The following SETD2 variants were observed in gnomAD, a reference collection of about 807,000 sequenced individuals.
SETD2 encodes histone-lysine N-methyltransferase SETD2.
A neutral mutation model predicts 242.1 loss-of-function variants in SETD2; 31 were observed. The ratio of observed to expected loss-of-function variants is 0.13; its 90% CI spans 0.10 to 0.17. The LOEUF (loss-of-function observed/expected upper bound fraction) is 0.17, where lower values mean the gene tolerates loss of function less well. Among genes scored for constraint, SETD2 ranks in the 10% least tolerant of loss-of-function variants. The pLI, the probability that SETD2 is intolerant of heterozygous loss-of-function variation, is 1.00. For synonymous variants in SETD2, 1,006 were observed against 1,066.5 expected (o/e 0.94, Z 1.11); for missense variants, 2,481 against 3,046.3 (o/e 0.81, Z 4.37).
chr3:47,118,766 A>T (rs1264139804), intron 3 of SETD2, among the ~76,000 whole-genome samples: 2 of 151,728 alleles, frequency 1.3e-5, no homozygotes, highest in Admixed American at 6.6e-5. Flanking sequence ...GCACAGTTTT[A>T]TATATATATA....
intron 17 of SETD2, among the ~76,000 whole-genome samples, chr3:47,040,622 C>T (rs1280422896): frequency 4.1e-5 from 6 of 145,300 alleles, no homozygotes; most frequent in East Asian, 2.0e-4. Context: ...TCACCCAGGC[C>T]GGAATGCAGT....
intron 17 of SETD2, among the ~76,000 whole-genome samples, chr3:47,040,701 C>A (rs1383405673): frequency 6.6e-6 from 1 of 150,728 alleles, no homozygotes; most frequent in Non-Finnish European, 1.5e-5. Flanking sequence ...AGCCTCCCAA[C>A]TAGTTGTGAC....
chr3:47,017,861 CA>C lies in SETD2; in HGVS notation c.7432-123del. 1 of 731,220 alleles carries C rather than the reference CA, an allele frequency of 1.4e-6. No homozygotes were observed. The highest frequency in any genetic ancestry group is 2.5e-6 in the Non-Finnish European group (1 of 406,168). The allele number at this position is 731,220 out of a possible 1,614,324, so 45.3% of individuals were successfully genotyped here. A position where few individuals can be genotyped will look rare whatever the true frequency, so the allele number is the denominator to read the frequency against. Reference sequence around the variant, plus strand: ...GCCAATCCTTCTCCTTTTCCTCCCTCAGGTTAACTGGTTTGGACAGTGGAAT... The same window carrying C: ...GCCAATCCTTCTCCTTTTCCTCCCTCGGTTAACTGGTTTGGACAGTGGAAT... On this transcript the variant is annotated intron_variant, in intron 19 of 20. Coordinates refer to ENST00000409792, the MANE Select transcript of SETD2 (RefSeq NM_014159.7). This position sits in a 1 kb window ranked among gnomAD's most constrained non-coding sequence, Gnocchi z 4.8.
At chr3:47,113,515 A>G (rs2042736981) in intron 5 of SETD2, among the ~76,000 whole-genome samples, 1 of 152,190 alleles carries the variant, frequency 6.6e-6, no homozygotes, top group East Asian at 1.9e-4. Flanking sequence ...GTTTCCCTAC[A>G]AAAACATCTA....
At chr3:47,105,455 T>C (rs1463008803) in intron 6 of SETD2, among the ~76,000 whole-genome samples, 1 of 150,966 alleles carries the variant, frequency 6.6e-6, no homozygotes, top group Non-Finnish European at 1.5e-5. Flanking sequence ...CAATAATTTC[T>C]AAGAGTTGTA....
At chr3:47,105,602 T>A in intron 6 of SETD2, 2 of 408,344 alleles carry the variant, frequency 4.9e-6, no homozygotes, top group South Asian at 3.6e-5. Flanking sequence ...TATACTGCTC[T>A]GCCCCTCATT....
At chr3:47,128,000 C>G (rs1243208917) in intron 1 of SETD2, among the ~76,000 whole-genome samples, 1 of 152,110 alleles carries the variant, frequency 6.6e-6, no homozygotes, top group Non-Finnish European at 1.5e-5. Flanking sequence ...CTCTCACACA[C>G]ACACACACAC....
intron 12 of SETD2, among the ~76,000 whole-genome samples, chr3:47,078,708 T>C (rs1167662326): frequency 4.6e-5 from 7 of 151,924 alleles, no homozygotes; most frequent in Non-Finnish European, 1.5e-5. Flanking sequence ...AGGGGCATCA[T>C]ATCTATAACT....
chr3:47,036,282 T>C (rs2038992562), intron 18 of SETD2, among the ~76,000 whole-genome samples: 1 of 152,172 alleles, frequency 6.6e-6, no homozygotes, highest in Non-Finnish European at 1.5e-5. Flanking sequence ...CGGTCAGCTG[T>C]GGTGGCTCAT....
chr3:47,091,954 C>T (rs1169152077), intron 9 of SETD2, among the ~76,000 whole-genome samples: 3 of 148,506 alleles, frequency 2.0e-5, no homozygotes, highest in Non-Finnish European at 4.5e-5. Flanking sequence ...TAAAAACAAA[C>T]AAAAAAAAAG....
At chr3:47,056,095 TTTATTTA>T (rs1241468343) in intron 15 of SETD2, among the ~76,000 whole-genome samples, 108 of 42,550 alleles carry the variant, frequency 2.5e-3, no homozygotes, top group South Asian at 8.5e-3. Context: ...AAACATGATT[TTTATTTA>T]TTTATTTATT....
At chr3:47,032,059 C>T (rs2038794351) in intron 18 of SETD2, among the ~76,000 whole-genome samples, 1 of 152,130 alleles carries the variant, frequency 6.6e-6, no homozygotes, top group African/African-American at 2.4e-5. Flanking sequence ...TGGAAAATTC[C>T]ATGGTATATT....
At chr3:47,159,493 C>T (rs1347509377) in intron 1 of SETD2, among the ~76,000 whole-genome samples, 1 of 152,192 alleles carries the variant, frequency 6.6e-6, no homozygotes, top group Non-Finnish European at 1.5e-5. Flanking sequence ...TTTCTCACTA[C>T]TCTTATATTA....
At chr3:47,077,376 C>A (rs900431452) in intron 12 of SETD2, among the ~76,000 whole-genome samples, 2 of 152,150 alleles carry the variant, frequency 1.3e-5, no homozygotes, top group Non-Finnish European at 2.9e-5. Flanking sequence ...AGCCACCACG[C>A]CCGGCCTGCT....
intron 9 of SETD2, among the ~76,000 whole-genome samples, chr3:47,089,568 T>C (rs1402363433): frequency 6.6e-6 from 1 of 152,182 alleles, no homozygotes; most frequent in Non-Finnish European, 1.5e-5. Flanking sequence ...ATATATTCTT[T>C]AAGTATTTTA....
intron 1 of SETD2, among the ~76,000 whole-genome samples, chr3:47,145,744 G>A (rs1230993895): frequency 6.6e-6 from 1 of 152,112 alleles, no homozygotes; most frequent in Non-Finnish European, 1.5e-5. Context: ...GAACAGGTGT[G>A]GTGGCTCATG....
In SETD2 at chr3:47,078,116, A is replaced by G. The variant is rs186049174; in HGVS notation, c.6060+5604T>C. Among the ~76,000 whole-genome samples the G allele has an allele frequency of 1.7e-4, 26 of 152,340 alleles. No homozygotes were observed. The East Asian group carries it at 4.4e-3, about 26-fold the overall frequency. On this transcript the variant is annotated intron_variant, in intron 12 of 20. Coordinates refer to ENST00000409792, the MANE Select transcript of SETD2 (RefSeq NM_014159.7). ...AGCAAATCACTGGATGCTAAATCTAATGGATACATTTTATGAAAAATAGGG... is the reference window on the plus strand; with the variant it reads ...AGCAAATCACTGGATGCTAAATCTAGTGGATACATTTTATGAAAAATAGGG...
At position 47,090,393 on chromosome 3, in the gene SETD2, A is replaced by AT. The variant is rs551950455; in HGVS notation, c.5143-2147dup. Among the ~76,000 whole-genome samples the AT allele has an allele frequency of 6.6e-5, 10 of 152,098 alleles. No homozygotes were observed. In the East Asian group the frequency reaches 1.7e-3, roughly 26 times the overall value. On this transcript the variant is annotated intron_variant, in intron 9 of 20. Coordinates refer to ENST00000409792, the MANE Select transcript of SETD2 (RefSeq NM_014159.7). ...GATCAAAATGGATTATTATTTTTTTATTTTTTATTTTTTTGAGATGGAGTT... is the reference window on the plus strand; with the variant it reads ...GATCAAAATGGATTATTATTTTTTTATTTTTTTATTTTTTTGAGATGGAGTT...
chr3:47,063,033 C>G (rs2040405381), intron 13 of SETD2, among the ~76,000 whole-genome samples: 1 of 152,198 alleles, frequency 6.6e-6, no homozygotes. Flanking sequence ...CAGGAACCCC[C>G]TTCTCTCCAT....
Sources: gnomAD v4.1 joint callset for allele counts (sites outside exome capture counted in the v4.1 genomes callset) on GRCh38, gnomAD v4.1.1 for gene constraint, Gnocchi (gnomAD v3.1) non-coding constraint, MANE v1.5 for transcripts, NCBI Gene and HGNC (gene_info 2026-07-23, HGNC 2026-07-21) for gene names.